PLAC9: variants seen among roughly 807,000 people sequenced by gnomAD.
The protein encoded by PLAC9 is placenta-specific protein 9.
PLAC9 carries 12 observed loss-of-function variants against 11.5 expected under a neutral mutation model. The observed-to-expected ratio is 1.05, with a 90% CI of 0.67 to 1.69. The LOEUF (loss-of-function observed/expected upper bound fraction) is 1.69. Among genes scored for constraint, PLAC9 ranks in the 40% most tolerant of loss-of-function variants. PLAC9 has a pLI of 0.00. For synonymous variants in PLAC9, 62 were observed against 58.1 expected, an observed-to-expected ratio of 1.07 and a Z score of -0.31; for missense variants, 132 against 130.5, an observed-to-expected ratio of 1.01 and a Z score of -0.06.
Position 80,144,913 on chromosome 10 carries a change from C to A in PLAC9, c.*3C>A. ...GCTTTCTTTCAGATGGCTTCTGAGC[C>A]CTGGAGCTGGAGCCCAGCAGTTGGA... is the stretch of plus-strand genomic sequence containing the variant. On this transcript the variant is annotated 3_prime_UTR_variant, in exon 4 of 4. Transcript: ENST00000372263. 1 of 1,575,400 alleles carries A rather than the reference C, an allele frequency of 6.3e-7. No homozygotes were observed. Among genetic ancestry groups the A allele is most frequent in the East Asian group, 2.3e-5 (1 of 43,562 alleles).
Position 80,142,155 on chromosome 10 carries a change from A to G in PLAC9, c.138A>G (p.Gln46=), listed in dbSNP as rs774663013. ...CGTGTGACAGACACATGGCTGTGCA[A>G]CGCCGTCTAGATGTCATGGAGGAGG... is the stretch of plus-strand genomic sequence containing the variant. ...STACDRHMAV[Q]RRLDVMEEMV... is the part of the protein sequence containing the mutation. Residue 46 remains glutamine (Q), a synonymous_variant, in exon 2 of 4, where the codon CAA becomes CAG. Transcript: ENST00000372263. 14 of 1,609,336 alleles carry G rather than the reference A, an allele frequency of 8.7e-6. No individual in the cohort carries two copies. Among genetic ancestry groups the G allele is most frequent in the Non-Finnish European group, 1.2e-5 (14 of 1,176,248 alleles).
At position 80,145,065 on chromosome 10, in the gene PLAC9, C is replaced by T; in HGVS notation, c.*155C>T. 2 of 961,948 alleles carry T rather than the reference C, an allele frequency of 2.1e-6. No individual in the cohort carries two copies. Among genetic ancestry groups the T allele is most frequent in the East Asian group, 2.6e-5 (1 of 38,292 alleles). The allele number at this position is 961,948 out of a possible 1,614,324, so 59.6% of individuals were successfully genotyped here. ...TCTGCTGACAGAGTAACCCGTTTAACTACAGCCTCCTCTCACTCCACTTCC... is the reference window on the plus strand; with the variant it reads ...TCTGCTGACAGAGTAACCCGTTTAATTACAGCCTCCTCTCACTCCACTTCC... On this transcript the variant is annotated 3_prime_UTR_variant, in exon 4 of 4. Transcript: ENST00000372263.
chr10:80,145,014 TA>T lies in PLAC9; in HGVS notation c.*108del. On this transcript the variant is annotated 3_prime_UTR_variant, in exon 4 of 4. Transcript: ENST00000372263. ...CTTCCTTCCTTAGCTTCATGTGAAA[TA>T]AAAGCTATTCTGGTCTCCTCTGTGT... 1 of 1,401,826 alleles carries T rather than the reference TA, an allele frequency of 7.1e-7. No homozygotes were observed. 86.8% of individuals were successfully genotyped at this position (1,401,826 alleles called of 1,614,324 possible).
At chr10:80,132,929 A>T (rs1156941545) in intron 1 of PLAC9, 103 bp downstream of exon 1, 4 of 938,606 alleles carry the variant, frequency 4.3e-6, no homozygotes, top group Non-Finnish European at 5.9e-6. Flanking sequence ...TGGACACAGC[A>T]GCGAGATGGA....
At chr10:80,134,623 CTT>C (rs889600556) in intron 1 of PLAC9, among the ~76,000 whole-genome samples, 7 of 152,226 alleles carry the variant, frequency 4.6e-5, no homozygotes, top group African/African-American at 1.7e-4. Flanking sequence ...GATAAGCACT[CTT>C]AATAAACATA....
chr10:80,133,653 C>T (rs1392959135), intron 1 of PLAC9, among the ~76,000 whole-genome samples: 1 of 152,192 alleles, frequency 6.6e-6, no homozygotes, highest in Non-Finnish European at 1.5e-5. Context: ...TGTCTGGGTA[C>T]TCCATTAGCT....
upstream of PLAC9, chr10:80,132,628 T>A (rs557582265): frequency 1.3e-3 from 838 of 662,406 alleles, 1 homozygote; most frequent in Non-Finnish European, 1.8e-3. Flanking sequence ...GGGCGGGTTC[T>A]CTCGAGCCAG....
At position 80,142,078 on chromosome 10, in the gene PLAC9, A is replaced by G. The variant is rs781511808; in HGVS notation, c.65-4A>G. The G allele has an allele frequency of 2.5e-6, 4 of 1,605,024 alleles. No individual in the cohort carries two copies. Among genetic ancestry groups the G allele is most frequent in the Non-Finnish European group, 3.4e-6 (4 of 1,173,184 alleles). ...CCACAGTGACAAGACTTGTTTTCCC[A>G]CAGCTGCCGAACCCTTCAGCCCTCC... On this transcript the variant is annotated splice_polypyrimidine_tract_variant and splice_region_variant and intron_variant, in intron 1 of 3. Coordinates refer to ENST00000372263, the MANE Select transcript of PLAC9 (RefSeq NM_001012973.3).
At chr10:80,138,542 C>T (rs1845003811) in intron 1 of PLAC9, among the ~76,000 whole-genome samples, 1 of 152,190 alleles carries the variant, frequency 6.6e-6, no homozygotes, top group African/African-American at 2.4e-5. Context: ...GTCTCTGGTC[C>T]TGTTCTCATC....
At chr10:80,139,971 C>A (rs972485970) in intron 1 of PLAC9, among the ~76,000 whole-genome samples, 8 of 152,188 alleles carry the variant, frequency 5.3e-5, no homozygotes, top group African/African-American at 1.4e-4. Flanking sequence ...CTCCTCCCTA[C>A]GTGATCTCCA....
chr10:80,132,918 C>A, intron 1 of PLAC9, 92 bp downstream of exon 1: 2 of 1,131,550 alleles, frequency 1.8e-6, no homozygotes, highest in Non-Finnish European at 1.2e-6. Flanking sequence ...GGAGAGAGAG[C>A]TGGACACAGC....
chr10:80,144,340 G>A lies in PLAC9; in HGVS notation c.280G>A (p.Gly94Arg), dbSNP rs1320815530. ...GPFSPAPDLL[G>R]DGF ...CTTCAGCCCCGCTCCCGACCTTCTC[G>A]GAGGTGAGCAGTGCAGGTGGCAGAG... Residue 94 changes from glycine (G) to arginine (R), a missense_variant, in exon 3 of 4, where the codon GGA becomes AGA. Coordinates refer to ENST00000372263, the MANE Select transcript of PLAC9 (RefSeq NM_001012973.3). 3 of 1,601,412 alleles carry A rather than the reference G, an allele frequency of 1.9e-6. No individual in the cohort carries two copies. The highest frequency in any genetic ancestry group is 2.2e-5 in the South Asian group (2 of 90,538).
chr10:80,144,788 CGCA>C, intron 3 of PLAC9, 109 bp from the exon 4 acceptor site: 1 of 1,092,956 alleles, frequency 9.1e-7, no homozygotes, highest in Non-Finnish European at 1.3e-6. Context: ...GTGTCCCGCG[CGCA>C]GTAGTTCCTG....
At chr10:80,132,156 C>T (rs1207469401), upstream of PLAC9, among the ~76,000 whole-genome samples, 1 of 150,076 alleles carries the variant, frequency 6.7e-6, no homozygotes, top group Non-Finnish European at 1.5e-5. Context: ...TACGATTTTA[C>T]CTTTTCTTTT....
chr10:80,140,300 A>T (rs972901070), intron 1 of PLAC9, among the ~76,000 whole-genome samples: 1 of 151,878 alleles, frequency 6.6e-6, no homozygotes, highest in African/African-American at 2.4e-5. Flanking sequence ...GCTTCGTGAA[A>T]TTTTCCAGAA....
intron 1 of PLAC9, among the ~76,000 whole-genome samples, chr10:80,140,725 G>T (rs1465364665): frequency 6.6e-6 from 1 of 152,112 alleles, no homozygotes; most frequent in Non-Finnish European, 1.5e-5. Context: ...AGTTGAGAGG[G>T]GTTTCACCAT....
chr10:80,138,242 C>T (rs899454330), intron 1 of PLAC9, among the ~76,000 whole-genome samples: 8 of 152,182 alleles, frequency 5.3e-5, no homozygotes, highest in South Asian at 2.1e-4. Flanking sequence ...TAAACATCCA[C>T]GCATGCCTCT....
chr10:80,134,484 G>A (rs949041738), intron 1 of PLAC9, among the ~76,000 whole-genome samples: 3 of 151,986 alleles, frequency 2.0e-5, no homozygotes, highest in African/African-American at 4.8e-5. Flanking sequence ...GGCTGGTCTC[G>A]AACTCCTGGG....
upstream of PLAC9, chr10:80,132,665 G>T: frequency 9.8e-7 from 1 of 1,022,250 alleles, no homozygotes; most frequent in Non-Finnish European, 1.3e-6. Context: ...CAGGAATTTT[G>T]GCTCGAACTG....
Sources: allele counts gnomAD v4.1 joint callset (sites outside exome capture counted in the v4.1 genomes callset), GRCh38; gene constraint gnomAD v4.1.1; transcripts MANE v1.5; gene names NCBI Gene and HGNC (gene_info 2026-07-23, HGNC 2026-07-21).